The following WDR62 variants were observed in gnomAD, a reference collection of about 807,000 sequenced individuals.
The protein encoded by WDR62 is WD repeat-containing protein 62.
In WDR62, 112 loss-of-function variants were observed where a neutral mutation model predicts 160.6. That is an observed-to-expected ratio of 0.70 (90% confidence interval 0.60 to 0.82). WDR62 has a LOEUF of 0.82. WDR62 is among the 40% of genes least tolerant of loss of function. The pLI is 0.00. For synonymous variants in WDR62, 792 were observed against 815.1 expected (o/e 0.97, Z 0.48); for missense variants, 1,819 against 1,983.8 (o/e 0.92, Z 1.58).
At chr19:36,063,648 T>C (rs969180492) in intron 3 of WDR62, among the ~76,000 whole-genome samples, 4 of 152,202 alleles carry the variant, frequency 2.6e-5, no homozygotes, top group Admixed American at 2.6e-4. Context: ...AGGTTCTGCA[T>C]CTTTGGCAGG....
At position 36,099,466 on chromosome 19, in the gene WDR62, G is replaced by A. The variant is rs751765649; in HGVS notation, c.2588G>A (p.Arg863His). Reference protein sequence around the residue: ...HAKRSYQPHGRWAERAGQEPL... With the variant: ...HAKRSYQPHGHWAERAGQEPL... ...AAGCGCAGCTACCAGCCCCACGGCC[G>A]CTGGGCAGAGCGGGCCGGCCAAGAG... The change falls in exon 22 of 32, where the codon CGC (arginine) becomes CAC (histidine). Residue 863 changes from arginine (R) to histidine (H), a missense_variant. Coordinates refer to ENST00000401500, the MANE Select transcript of WDR62 (RefSeq NM_001083961.2). The A allele has an allele frequency of 3.7e-6, 6 of 1,613,936 alleles. No homozygotes were observed. Among genetic ancestry groups the A allele is most frequent in the South Asian group, 2.2e-5 (2 of 91,088 alleles).
downstream of WDR62, among the ~76,000 whole-genome samples, chr19:36,105,624 A>G (rs1195780173): frequency 6.6e-6 from 1 of 152,010 alleles, no homozygotes; most frequent in Non-Finnish European, 1.5e-5. Context: ...AGGTGGGAGG[A>G]TCGCTTGAGG....
In WDR62 at chr19:36,057,188, G is replaced by A. The variant is rs950990566; in HGVS notation, c.178-1592G>A. Among the ~76,000 whole-genome samples, 4 of 152,142 alleles carry A rather than the reference G, an allele frequency of 2.6e-5. No homozygotes were observed. The East Asian group carries it at 7.7e-4, about 29-fold the overall frequency. The stretch of plus-strand genomic sequence containing the variant: ...ATAATGATGTAGAAATCTCTCATAG[G>A]GTATTTGTGAGGATTCAATGAGGTT... On this transcript the variant is annotated intron_variant, in intron 1 of 31. Coordinates refer to ENST00000401500, the MANE Select transcript of WDR62 (RefSeq NM_001083961.2).
intron 9 of WDR62, among the ~76,000 whole-genome samples, chr19:36,080,341 C>A (rs920202618): frequency 6.6e-6 from 1 of 151,746 alleles, no homozygotes; most frequent in Non-Finnish European, 1.5e-5. Flanking sequence ...GTCTCGATCT[C>A]CTGACCTCGT....
At chr19:36,081,653 G>C (rs1011016687) in intron 10 of WDR62, 83 bp downstream of exon 10, 2 of 1,594,030 alleles carry the variant, frequency 1.3e-6, no homozygotes, top group Non-Finnish European at 1.7e-6. Flanking sequence ...GAGAGAGTCT[G>C]ATGGACCCTA....
intron 11 of WDR62, among the ~76,000 whole-genome samples, chr19:36,084,307 A>C (rs188455988): frequency 1.3e-5 from 2 of 152,126 alleles, no homozygotes; most frequent in East Asian, 3.9e-4. Flanking sequence ...CTGGACTATG[A>C]CCTCTGGCCC....
chr19:36,073,118 A>G (rs990099472), intron 8 of WDR62, among the ~76,000 whole-genome samples: 1 of 152,152 alleles, frequency 6.6e-6, no homozygotes, highest in Non-Finnish European at 1.5e-5. Flanking sequence ...CAAAAACTCA[A>G]TTGCTCTCGG....
chr19:36,086,058 G>A (rs1972210404), intron 12 of WDR62, among the ~76,000 whole-genome samples: 1 of 151,966 alleles, frequency 6.6e-6, no homozygotes, highest in East Asian at 2.0e-4. Flanking sequence ...CAGAGTTGGT[G>A]GAGTTATATC....
downstream of WDR62, among the ~76,000 whole-genome samples, chr19:36,109,099 C>T (rs1245184890): frequency 6.6e-6 from 1 of 152,104 alleles, no homozygotes. Flanking sequence ...GCACTGCCAC[C>T]CTTGCTTCCC....
chr19:36,079,148 C>A (rs1222844175), intron 9 of WDR62, among the ~76,000 whole-genome samples: 2 of 152,086 alleles, frequency 1.3e-5, no homozygotes, highest in Admixed American at 1.3e-4. Context: ...GTGGCATGAT[C>A]ACAGCTCACT....
Position 36,071,595 on chromosome 19 carries a change from A to G in WDR62, c.922A>G (p.Ile308Val), listed in dbSNP as rs146229976. ...SSCLCVSQELIFCGCTDGIVR... is the reference protein window; with the variant it reads ...SSCLCVSQELVFCGCTDGIVR... ...CTGCCTCTGTGTCAGCCAGGAGCTC[A>G]TCTTCTGTGGCTGCACAGATGGGAT... Residue 308 changes from isoleucine (I) to valine (V), a missense_variant, in exon 8 of 32, where the codon ATC becomes GTC. Around this residue, in one of 3 missense-constraint regions of WDR62, gnomAD observed 934 missense variants for 1,157.2 expected, o/e 0.81. Transcript: ENST00000401500. 159 of 1,614,218 alleles carry G rather than the reference A, an allele frequency of 9.8e-5. No individual in the cohort carries two copies. The African/African-American group carries it at 1.9e-3, about 20-fold the overall frequency.
chr19:36,081,613 G>A, intron 10 of WDR62, 43 bp downstream of exon 10: 4 of 1,613,878 alleles, frequency 2.5e-6, no homozygotes, highest in Non-Finnish European at 3.4e-6. Context: ...GAGGAACAAA[G>A]ACCTACTGTA....
chr19:36,104,606 G>A lies in WDR62; in HGVS notation c.4242G>A (p.Leu1414=), dbSNP rs773471399. The A allele has an allele frequency of 2.9e-5, 46 of 1,613,966 alleles. No homozygotes were observed. The highest frequency in any genetic ancestry group is 3.8e-5 in the Non-Finnish European group (45 of 1,180,034). ...CCCTGCCCCCATCTCCCCTTGAGCT[G>A]AGCAGGGTGGGGAACATCTTGCACA... ...VEALPPSPLE[L]SRVGNILHRL... Residue 1414 remains leucine, a synonymous_variant, in exon 31 of 32, where the codon CTG becomes CTA. Coordinates refer to ENST00000401500, the MANE Select transcript of WDR62 (RefSeq NM_001083961.2).
At chr19:36,106,800 GTT>G (rs1973724763), downstream of WDR62, among the ~76,000 whole-genome samples, 1 of 152,154 alleles carries the variant, frequency 6.6e-6, no homozygotes, top group Non-Finnish European at 1.5e-5. Context: ...ACAGTTTTTT[GTT>G]TTTGGGTTTG....
At chr19:36,060,891 C>T (rs1325328961) in intron 3 of WDR62, 1 of 152,246 alleles carries the variant, frequency 6.6e-6, no homozygotes, top group East Asian at 1.9e-4. Context: ...AAGAGAAAGA[C>T]TTAACATGAT....
intron 13 of WDR62, among the ~76,000 whole-genome samples, 192 bp from the exon 14 acceptor site, chr19:36,088,846 C>T (rs984998897): frequency 2.6e-5 from 4 of 152,214 alleles, no homozygotes; most frequent in Non-Finnish European, 5.9e-5. Flanking sequence ...GCCACAGCTC[C>T]ACCTGTGCCC....
chr19:36,082,498 G>A (rs1971957283), intron 10 of WDR62, among the ~76,000 whole-genome samples: 1 of 152,192 alleles, frequency 6.6e-6, no homozygotes, highest in Non-Finnish European at 1.5e-5. Flanking sequence ...CCTCCATGCA[G>A]GAGGCTGTAG....
chr19:36,109,120 G>A (rs891983110), downstream of WDR62, among the ~76,000 whole-genome samples: 5 of 152,210 alleles, frequency 3.3e-5, no homozygotes, highest in Admixed American at 3.3e-4. Flanking sequence ...CAAATGAATT[G>A]GCACAACTGA....
At position 36,082,946 on chromosome 19, in the gene WDR62, T is replaced by C. The variant is rs1009558932; in HGVS notation, c.1372-117T>C. Reference sequence around the variant, plus strand: ...AAATAATTATTCTGATTGGTGAAACTCCCAGCTCAAAATTAGAGTTGTATT... The same window carrying C: ...AAATAATTATTCTGATTGGTGAAACCCCCAGCTCAAAATTAGAGTTGTATT... On this transcript the variant is annotated intron_variant, in intron 10 of 31. Transcript: ENST00000401500. The C allele has an allele frequency of 2.0e-5, 17 of 867,942 alleles. 1 individual carries two copies. The highest frequency in any genetic ancestry group is 3.2e-5 in the Non-Finnish European group (17 of 530,548). 53.8% of individuals were successfully genotyped at this position (867,942 alleles called of 1,614,324 possible).
Sources: allele counts gnomAD v4.1 joint callset (sites outside exome capture counted in the v4.1 genomes callset), GRCh38; gene constraint gnomAD v4.1.1; regional missense constraint gnomAD v4.1.1; transcripts MANE v1.5; gene names NCBI Gene and HGNC (gene_info 2026-07-23, HGNC 2026-07-21).